The following MAN1A1 variants were observed in gnomAD, a reference collection of about 807,000 sequenced individuals.
MAN1A1 encodes mannosidase alpha class 1A member 1.
Under a neutral mutation model 70.8 loss-of-function variants are expected in MAN1A1, and 29 were observed. That is an observed-to-expected ratio of 0.41 (90% confidence interval 0.31 to 0.56). MAN1A1 has a LOEUF of 0.56. Ranked by LOEUF, MAN1A1 falls within the 20% of genes least tolerant of loss-of-function variation. The pLI, the probability that MAN1A1 is intolerant of heterozygous loss-of-function variation, is 0.29. For missense variants in MAN1A1, 747 were observed against 841.3 expected (o/e 0.89, Z 1.39); for synonymous variants, 349 against 330.1 (o/e 1.06, Z -0.62).
rs201896773 is a variant in MAN1A1, at chr6:119,194,709, CAGA to C, written c.1211-820_1211-818del. Among the ~76,000 whole-genome samples the C allele has an allele frequency of 8.7e-3, 1,321 of 152,252 alleles. 9 individuals carry two copies. Among genetic ancestry groups the C allele is most frequent in the Non-Finnish European group, 0.012 (837 of 68,012 alleles). On this transcript the variant is annotated intron_variant, in intron 8 of 12. Transcript: ENST00000368468. ...AGGGGCAGTCAGAAAGGATATGGGGCAGAAGAAGAAGTTTTTCCTCCTAATACT... is the reference window on the plus strand; with the variant it reads ...AGGGGCAGTCAGAAAGGATATGGGGCAGAAGAAGTTTTTCCTCCTAATACT...
intron 2 of MAN1A1, among the ~76,000 whole-genome samples, chr6:119,345,382 C>A (rs748850928): frequency 1.3e-5 from 2 of 152,096 alleles, no homozygotes. Flanking sequence ...AATAAATATA[C>A]ACTATGTATG....
intron 5 of MAN1A1, among the ~76,000 whole-genome samples, chr6:119,270,918 G>A (rs1775905267): frequency 1.3e-5 from 2 of 152,182 alleles, no homozygotes; most frequent in African/African-American, 4.8e-5. Flanking sequence ...AACTGTTTCT[G>A]TGAATATTGC....
At chr6:119,238,812 A>G (rs1774924368) in intron 6 of MAN1A1, among the ~76,000 whole-genome samples, 1 of 152,226 alleles carries the variant, frequency 6.6e-6, no homozygotes, top group Non-Finnish European at 1.5e-5. Context: ...TTATAATGTT[A>G]AACTCCCACT....
At chr6:119,248,057 C>T (rs572395835) in intron 6 of MAN1A1, among the ~76,000 whole-genome samples, 1 of 152,272 alleles carries the variant, frequency 6.6e-6, no homozygotes, top group East Asian at 1.9e-4. Flanking sequence ...TGAGGTCACG[C>T]CATCCCACAA....
intron 5 of MAN1A1, among the ~76,000 whole-genome samples, chr6:119,251,465 C>T (rs181887629): frequency 2.4e-3 from 361 of 152,320 alleles, no homozygotes; most frequent in Middle Eastern, 0.017. Context: ...CTTCTGCCTC[C>T]TTTTGGCTGA....
At chr6:119,231,637 C>T (rs915905075) in intron 6 of MAN1A1, among the ~76,000 whole-genome samples, 1 of 152,110 alleles carries the variant, frequency 6.6e-6, no homozygotes, top group Non-Finnish European at 1.5e-5. Flanking sequence ...TCTCCTCATT[C>T]CCTGAGGGCC....
chr6:119,324,040 T>TA (rs1773087815), intron 2 of MAN1A1, among the ~76,000 whole-genome samples: 1 of 152,190 alleles, frequency 6.6e-6, no homozygotes, highest in African/African-American at 2.4e-5. Flanking sequence ...TGTTTCAACA[T>TA]ACACAGTAAC....
At chr6:119,348,306 G>A (rs1303439410) in intron 2 of MAN1A1, among the ~76,000 whole-genome samples, 157 bp downstream of exon 2, 1 of 152,212 alleles carries the variant, frequency 6.6e-6, no homozygotes, top group Non-Finnish European at 1.5e-5. Flanking sequence ...ATTGGAAACA[G>A]GAAAAGAAAG....
At chr6:119,258,850 G>A (rs2114347821) in intron 5 of MAN1A1, among the ~76,000 whole-genome samples, 1 of 152,210 alleles carries the variant, frequency 6.6e-6, no homozygotes, top group Non-Finnish European at 1.5e-5. Flanking sequence ...CTGGGACTAG[G>A]TGATGGAGTT....
intron 5 of MAN1A1, among the ~76,000 whole-genome samples, chr6:119,270,782 C>T (rs963733030): frequency 3.3e-5 from 5 of 152,102 alleles, no homozygotes; most frequent in Admixed American, 6.5e-5. Flanking sequence ...GCCAGAATAT[C>T]CCTTGAGTTG....
intron 12 of MAN1A1, 27 bp from the exon 13 acceptor site, chr6:119,179,972 G>A (rs1420890872): frequency 6.2e-7 from 1 of 1,609,932 alleles, no homozygotes; most frequent in East Asian, 2.2e-5. Context: ...AAGTATATGA[G>A]GCCCAAGACA....
At chr6:119,228,344 T>C (rs1420581768) in intron 6 of MAN1A1, among the ~76,000 whole-genome samples, 2 of 152,208 alleles carry the variant, frequency 1.3e-5, no homozygotes, top group Non-Finnish European at 2.9e-5. Flanking sequence ...CAAATGATCA[T>C]AATGCAAATA....
intron 4 of MAN1A1, among the ~76,000 whole-genome samples, chr6:119,291,325 T>C (rs899969678): frequency 3.3e-5 from 5 of 151,974 alleles, no homozygotes; most frequent in Admixed American, 3.3e-4. Context: ...AACTGTTAAA[T>C]CCATTAAACC....
intron 9 of MAN1A1, among the ~76,000 whole-genome samples, chr6:119,190,389 A>C (rs1180970401): frequency 6.6e-6 from 1 of 152,172 alleles, no homozygotes; most frequent in Non-Finnish European, 1.5e-5. Context: ...GGGCCAGAAG[A>C]CTTGGCTTCA....
In MAN1A1 at chr6:119,193,881, C is replaced by G. The variant is rs1488100594; in HGVS notation, c.1222G>C (p.Val408Leu). The stretch of plus-strand genomic sequence containing the variant: ...TAGAAGCTGTCTCCAAGTCCTCCAA[C>G]TGATACATGATCTGGAAAGAGAGGG... Reference protein sequence around the residue: ...SGQWGQHHVSVGGLGDSFYEY... With the variant: ...SGQWGQHHVSLGGLGDSFYEY... The change falls in exon 9 of 13, where the codon GTT becomes CTT. Residue 408 changes from valine (V) to leucine (L), a missense_variant. Val to Leu is a conservative substitution (Grantham distance 32). Around this residue, in one of 2 missense-constraint regions of MAN1A1, gnomAD observed 419 missense variants for 548.2 expected, o/e 0.76. Coordinates refer to ENST00000368468, the MANE Select transcript of MAN1A1 (RefSeq NM_005907.4). 2 of 1,603,282 alleles carry G rather than the reference C, an allele frequency of 1.2e-6. No individual in the cohort carries two copies. The highest frequency in any genetic ancestry group is 2.2e-5 in the East Asian group (1 of 44,722).
intron 5 of MAN1A1, among the ~76,000 whole-genome samples, chr6:119,268,982 T>G (rs1775837393): frequency 6.6e-6 from 1 of 152,194 alleles, no homozygotes; most frequent in African/African-American, 2.4e-5. Flanking sequence ...AGAAAGGCAG[T>G]TGAATAATGC....
chr6:119,220,475 A>G (rs1314486905), intron 6 of MAN1A1, among the ~76,000 whole-genome samples: 1 of 152,212 alleles, frequency 6.6e-6, no homozygotes, highest in African/African-American at 2.4e-5. Flanking sequence ...CATATAACCA[A>G]TGTTAAACTT....
chr6:119,190,201 A>T (rs1190968461), intron 9 of MAN1A1, among the ~76,000 whole-genome samples: 1 of 152,236 alleles, frequency 6.6e-6, no homozygotes, highest in Non-Finnish European at 1.5e-5. Flanking sequence ...CAGCAGTAAT[A>T]GTTGGTTTGG....
At chr6:119,184,736 A>G (rs975850718) in intron 11 of MAN1A1, among the ~76,000 whole-genome samples, 1 of 152,270 alleles carries the variant, frequency 6.6e-6, no homozygotes, top group East Asian at 1.9e-4. Context: ...GCCAAAAAAA[A>G]ATCCCAAATC....
Sources: gnomAD v4.1 joint callset for allele counts (sites outside exome capture counted in the v4.1 genomes callset) on GRCh38, gnomAD v4.1.1 for gene constraint, gnomAD v4.1.1 regional missense constraint, MANE v1.5 for transcripts, NCBI Gene and HGNC (gene_info 2026-07-23, HGNC 2026-07-21) for gene names.